The following COQ3 variants were observed in gnomAD, a reference collection of about 807,000 sequenced individuals.
COQ3 encodes the protein ubiquinone biosynthesis O-methyltransferase, mitochondrial.
Under a neutral mutation model 33.1 loss-of-function variants are expected in COQ3, and 29 were observed. The ratio of observed to expected loss-of-function variants is 0.88; its 90% confidence interval spans 0.65 to 1.19. COQ3 has a LOEUF of 1.19. Among genes scored for constraint, COQ3 ranks in the 50% most tolerant of loss-of-function variants. The probability of loss-of-function intolerance (pLI) is 0.00; values close to 1 mark genes in which losing one functional copy is unlikely to be tolerated. For missense variants in COQ3, 437 were observed against 430.7 expected (o/e 1.01, Z -0.13); for synonymous variants, 173 against 157.8 (o/e 1.10, Z -0.72).
At chr6:99,373,352 G>T (rs958901920) in intron 5 of COQ3, among the ~76,000 whole-genome samples, 4 of 151,894 alleles carry the variant, frequency 2.6e-5, no homozygotes, top group Non-Finnish European at 5.9e-5. Context: ...GATCACTTGA[G>T]CCCAGCAGTT....
intron 1 of COQ3, among the ~76,000 whole-genome samples, chr6:99,387,543 T>A (rs1030579516): frequency 4.6e-5 from 7 of 152,146 alleles, no homozygotes; most frequent in Admixed American, 4.6e-4. Context: ...ACAAAATCCA[T>A]ATCCATTATG....
At chr6:99,391,277 T>TG (rs1378425647) in intron 1 of COQ3, among the ~76,000 whole-genome samples, 1 of 151,848 alleles carries the variant, frequency 6.6e-6, no homozygotes, top group African/African-American at 2.4e-5. Flanking sequence ...TTTTGTATTT[T>TG]TTTTTTTGTA....
At chr6:99,388,470 C>T (rs995247952) in intron 1 of COQ3, among the ~76,000 whole-genome samples, 1 of 149,544 alleles carries the variant, frequency 6.7e-6, no homozygotes, top group African/African-American at 2.4e-5. Context: ...AATTGTCCTA[C>T]ACATTTAATA....
chr6:99,370,344 C>CTTTTTTTTTTTTTTT, intron 6 of COQ3, among the ~76,000 whole-genome samples: 9 of 101,252 alleles, frequency 8.9e-5, no homozygotes, highest in African/African-American at 2.0e-4. Flanking sequence ...CTTTTCTTTA[C>CTTTTTTTTTTTTTTT]TTTTTTTTTT....
chr6:99,392,684 G>T lies in COQ3; in HGVS notation c.106+1390C>A, dbSNP rs561395335. 6.9e-4 allele frequency among the ~76,000 whole-genome samples: 105 copies of T among 151,116 alleles called. 1 individual carries two copies. The highest frequency in any genetic ancestry group is 2.3e-3 in the African/African-American group (96 of 41,178). On this transcript the variant is annotated intron_variant, in intron 1 of 6. Coordinates refer to ENST00000254759, the MANE Select transcript of COQ3 (RefSeq NM_017421.4). The stretch of plus-strand genomic sequence containing the variant: ...TCTGTTGCTCAGGCTGGAGTGCAAT[G>T]GTGTGATCTTGGCTTACTGCAACCT...
At position 99,369,919 on chromosome 6, in the gene COQ3, C is replaced by T. The variant is rs1314478946; in HGVS notation, c.890-99G>A. On this transcript the variant is annotated intron_variant, in intron 6 of 6. Transcript: ENST00000254759. The stretch of plus-strand genomic sequence containing the variant: ...CTTTCTATATTAAAAATGCTGAGAG[C>T]ACACTAAATGGATAGGAAAAGAAGA... The T allele has an allele frequency of 9.3e-6, 7 of 754,680 alleles. No individual in the cohort carries two copies. In the East Asian group the frequency reaches 1.3e-4, roughly 14 times the overall value. 46.7% of individuals were successfully genotyped at this position (754,680 alleles called of 1,614,324 possible).
intron 2 of COQ3, among the ~76,000 whole-genome samples, chr6:99,381,347 C>T (rs1252287671): frequency 1.3e-5 from 2 of 152,144 alleles, no homozygotes; most frequent in African/African-American, 4.8e-5. Context: ...AGAAAAAAGA[C>T]CAAAATCCTT....
chr6:99,378,158 TTAG>T (rs750117174), intron 3 of COQ3, among the ~76,000 whole-genome samples: 37,245 of 79,866 alleles, frequency 0.47, 8,597 homozygotes, highest in East Asian at 0.64. Context: ...ATATATATAT[TTAG>T]AGAGAGAGAG....
rs748343680 is a variant in COQ3 at position 99,380,319 on chromosome 6, T to C, written c.256A>G (p.Ser86Gly). 9.9e-6 allele frequency: 16 copies of C among 1,613,860 alleles called. No homozygotes were observed. The highest frequency in any genetic ancestry group is 2.7e-5 in the African/African-American group (2 of 74,894). ...CTGTCGACAGTGGTTTGGGAAGTAC[T>C]GTACAGTCTCGCCCAAGGGTACCTA... ...SFRYPWARLY[S>G]TSQTTVDSGE... Residue 86 changes from serine to glycine, a missense_variant, in exon 3 of 7, where the codon AGT (serine) becomes GGT (glycine). Coordinates refer to ENST00000254759, the MANE Select transcript of COQ3 (RefSeq NM_017421.4).
intron 3 of COQ3, among the ~76,000 whole-genome samples, chr6:99,379,482 A>T (rs1311512810): frequency 1.3e-5 from 2 of 152,220 alleles, no homozygotes; most frequent in African/African-American, 4.8e-5. Context: ...TGTATGAGGT[A>T]AGTTCTCAAA....
chr6:99,394,118 C>G lies in COQ3; in HGVS notation c.62G>C (p.Gly21Ala). 6.2e-7 allele frequency: 1 copy of G among 1,613,658 alleles called. No individual in the cohort carries two copies. Among genetic ancestry groups the G allele is most frequent in the South Asian group, 1.1e-5 (1 of 91,074 alleles). ...GGWFLRVLGPGGCNTKAARPL... is the reference protein window; with the variant it reads ...GGWFLRVLGPAGCNTKAARPL... The stretch of plus-strand genomic sequence containing the variant: ...ACGCGCAGCTTTTGTATTACAGCCT[C>G]CAGGCCCCAGCACTCTTAAAAACCA... Residue 21 changes from glycine to alanine, a missense_variant, in exon 1 of 7, where the codon GGA becomes GCA. By Grantham distance (60) the Gly-to-Ala change is moderately conservative. Coordinates refer to ENST00000254759, the MANE Select transcript of COQ3 (RefSeq NM_017421.4).
At position 99,380,231 on chromosome 6, in the gene COQ3, G is replaced by A; in HGVS notation, c.344C>T (p.Ala115Val). The A allele has an allele frequency of 6.2e-7, 1 of 1,613,994 alleles. No individual in the cohort carries two copies. The highest frequency in any genetic ancestry group is 1.3e-5 in the African/African-American group (1 of 75,018). The change falls in exon 3 of 7, where the codon GCA (alanine) becomes GTA (valine). Residue 115 changes from alanine to valine, a missense_variant. Coordinates refer to ENST00000254759, the MANE Select transcript of COQ3 (RefSeq NM_017421.4). ...HKWWDEQGVY[A>V]PLHSMNDLRV... ...CAGGTCATTCATGGAATGAAGAGGT[G>A]CATATACTCCTTGTTCATCCCACCA...
At chr6:99,382,283 T>C (rs1253015308) in intron 2 of COQ3, among the ~76,000 whole-genome samples, 1 of 152,186 alleles carries the variant, frequency 6.6e-6, no homozygotes, top group Non-Finnish European at 1.5e-5. Context: ...AGATAGACAC[T>C]ACACTGACTT....
chr6:99,383,677 C>T, intron 2 of COQ3, 21 bp downstream of exon 2: 5 of 1,536,972 alleles, frequency 3.3e-6, no homozygotes, highest in Non-Finnish European at 4.4e-6. Context: ...TGAATATTTG[C>T]CACAGTAATA....
intron 1 of COQ3, among the ~76,000 whole-genome samples, chr6:99,386,009 A>C (rs528519082): frequency 6.9e-6 from 1 of 145,576 alleles, no homozygotes; most frequent in African/African-American, 2.5e-5. Context: ...GAAAAAAGAA[A>C]AGAAAAGAAA....
intron 2 of COQ3, 45 bp downstream of exon 2, chr6:99,383,653 T>C (rs1774533601): frequency 1.2e-5 from 17 of 1,428,750 alleles, no homozygotes; most frequent in Non-Finnish European, 1.6e-5. Context: ...AAAAACCTAT[T>C]ACATATAATT....
intron 1 of COQ3, among the ~76,000 whole-genome samples, chr6:99,392,469 A>T (rs1349882190): frequency 6.6e-6 from 1 of 152,128 alleles, no homozygotes; most frequent in East Asian, 1.9e-4. Flanking sequence ...ATGGCCTTTC[A>T]TGAATGTGTC....
rs1385073039 is a variant in COQ3, at chr6:99,377,516, C to T, written c.387-31G>A. 5 of 1,477,290 alleles carry T rather than the reference C, an allele frequency of 3.4e-6. No homozygotes were observed. The East Asian group carries it at 1.2e-4, about 35-fold the overall frequency. 91.5% of individuals were successfully genotyped at this position (1,477,290 alleles called of 1,614,324 possible). A position where few individuals can be genotyped will look rare whatever the true frequency, so the allele number is the denominator to read the frequency against. ...TTAAAAAATTCAAAACATACCAAAACAAATAATTAATTTTATCAACGAAAA... is the reference window on the plus strand; with the variant it reads ...TTAAAAAATTCAAAACATACCAAAATAAATAATTAATTTTATCAACGAAAA... On this transcript the variant is annotated intron_variant, in intron 3 of 6. Transcript: ENST00000254759.
At chr6:99,380,167 C>G in intron 3 of COQ3, 22 bp downstream of exon 3, 1 of 1,600,122 alleles carries the variant, frequency 6.2e-7, no homozygotes, top group Non-Finnish European at 8.5e-7. Flanking sequence ...TTTAAAAAGA[C>G]TTAGAGTTTC....
Sources: gnomAD v4.1 joint callset for allele counts (sites outside exome capture counted in the v4.1 genomes callset) on GRCh38, gnomAD v4.1.1 for gene constraint, MANE v1.5 for transcripts, NCBI Gene and HGNC (gene_info 2026-07-23, HGNC 2026-07-21) for gene names.